Variants in TGS1 observed in about 807,000 individuals in gnomAD.
TGS1 encodes the protein trimethylguanosine synthase.
A neutral mutation model predicts 92.2 loss-of-function variants in TGS1; 69 were observed. The observed-to-expected ratio is 0.75, with a 90% CI of 0.62 to 0.91. The LOEUF (loss-of-function observed/expected upper bound fraction) is 0.91. Among genes scored for constraint, TGS1 ranks in the 40% least tolerant of loss-of-function variants. TGS1 has a pLI of 0.00. For synonymous variants in TGS1, 345 were observed against 338.1 expected, an observed-to-expected ratio of 1.02 and a Z score of -0.22; for missense variants, 1,062 against 1,001.2, an observed-to-expected ratio of 1.06 and a Z score of -0.82.
At chr8:55,817,753 A>G (rs1056028183) in intron 12 of TGS1, among the ~76,000 whole-genome samples, 6 of 152,240 alleles carry the variant, frequency 3.9e-5, no homozygotes, top group Non-Finnish European at 5.9e-5. Context: ...AAAGAAGGCT[A>G]AGAACTGGAT....
chr8:55,824,800 C>A lies in TGS1; in HGVS notation c.*97C>A. 1.4e-6 allele frequency: 2 copies of A among 1,432,508 alleles called. No homozygotes were observed. The highest frequency in any genetic ancestry group is 9.6e-7 in the Non-Finnish European group (1 of 1,043,710). 88.7% of individuals were successfully genotyped at this position (1,432,508 alleles called of 1,614,324 possible). Reference sequence around the variant, plus strand: ...CCTTTATTCACTGATATTTTCTACCCATGGTCTTATATCACCGTATGAAAT... The same window carrying A: ...CCTTTATTCACTGATATTTTCTACCAATGGTCTTATATCACCGTATGAAAT... On this transcript the variant is annotated 3_prime_UTR_variant, in exon 13 of 13. Transcript: ENST00000260129.
At chr8:55,809,074 T>C (rs1428720325) in intron 10 of TGS1, among the ~76,000 whole-genome samples, 1 of 152,228 alleles carries the variant, frequency 6.6e-6, no homozygotes, top group African/African-American at 2.4e-5. Context: ...ATATACACAT[T>C]CATATAATCA....
In TGS1 at chr8:55,813,033, T is replaced by G; in HGVS notation, c.2361-7T>G. ...GTTTTCATTATTTTTCCTTAACTGC[T>G]GTCCACCTTTGAAATTTTCAGACTT... On this transcript the variant is annotated splice_polypyrimidine_tract_variant and splice_region_variant and intron_variant, in intron 11 of 12. Transcript: ENST00000260129. 2 of 1,590,198 alleles carry G rather than the reference T, an allele frequency of 1.3e-6. No homozygotes were observed. The highest frequency in any genetic ancestry group is 1.7e-6 in the Non-Finnish European group (2 of 1,159,546).
intron 7 of TGS1, 149 bp downstream of exon 7, chr8:55,796,301 T>C (rs1812048715): frequency 3.3e-6 from 2 of 601,672 alleles, no homozygotes; most frequent in Admixed American, 6.3e-5. Context: ...CTTGAAGGCA[T>C]ATATTATGTA....
At chr8:55,781,293 G>A (rs965532903) in intron 1 of TGS1, among the ~76,000 whole-genome samples, 1 of 151,630 alleles carries the variant, frequency 6.6e-6, no homozygotes, top group East Asian at 1.9e-4. Flanking sequence ...GTTCTTTCTA[G>A]CCTTCCTTCC....
rs1032874601 is a variant in TGS1, at chr8:55,773,520, C to T, written c.-99C>T. Reference sequence around the variant, plus strand: ...CCAGTTTCTATCTCCTCATCCAGGGCTTGCGGGCGAGGCCTGTTTTAAGTC... The same window carrying T: ...CCAGTTTCTATCTCCTCATCCAGGGTTTGCGGGCGAGGCCTGTTTTAAGTC... On this transcript the variant is annotated 5_prime_UTR_variant, in exon 1 of 13. Coordinates refer to ENST00000260129, the MANE Select transcript of TGS1 (RefSeq NM_024831.8). 3 of 847,732 alleles carry T rather than the reference C, an allele frequency of 3.5e-6. No homozygotes were observed. The highest frequency in any genetic ancestry group is 1.7e-5 in the African/African-American group (1 of 57,884). 52.5% of individuals were successfully genotyped at this position (847,732 alleles called of 1,614,324 possible). A position where few individuals can be genotyped will look rare whatever the true frequency, so the allele number is the denominator to read the frequency against.
intron 12 of TGS1, among the ~76,000 whole-genome samples, chr8:55,815,142 CTT>C (rs1270872628): frequency 6.6e-6 from 1 of 152,154 alleles, no homozygotes; most frequent in Non-Finnish European, 1.5e-5. Context: ...TGCTGATTAA[CTT>C]TTTCTAGTTA....
chr8:55,819,077 A>T (rs1189008505), intron 12 of TGS1, among the ~76,000 whole-genome samples: 1 of 152,064 alleles, frequency 6.6e-6, no homozygotes, highest in African/African-American at 2.4e-5. Flanking sequence ...GAGTAGCTGG[A>T]ACCATATGCA....
chr8:55,799,118 G>A lies in TGS1; in HGVS notation c.1747G>A (p.Glu583Lys), dbSNP rs780859961. ...CQSVSSAGEL[E>K]TENYERDSLL... is the part of the protein sequence containing the mutation. ...GAGCGTATCTTCAGCTGGTGAACTT[G>A]AAACAGAAAACTATGAAAGAGACAG... The change falls in exon 8 of 13, where the codon GAA (glutamate) becomes AAA (lysine). Residue 583 changes from glutamate (E) to lysine (K), a missense_variant. Coordinates refer to ENST00000260129, the MANE Select transcript of TGS1 (RefSeq NM_024831.8). 2 of 1,614,138 alleles carry A rather than the reference G, an allele frequency of 1.2e-6. No individual in the cohort carries two copies. The highest frequency in any genetic ancestry group is 2.7e-5 in the African/African-American group (2 of 75,032).
intron 8 of TGS1, among the ~76,000 whole-genome samples, chr8:55,800,300 T>C (rs1460254451): frequency 2.0e-5 from 3 of 152,236 alleles, no homozygotes; most frequent in Non-Finnish European, 4.4e-5. Context: ...TTTGTAGGTT[T>C]GTGAAATGCT....
intron 10 of TGS1, among the ~76,000 whole-genome samples, chr8:55,809,175 C>A (rs1045147745): frequency 6.6e-6 from 1 of 152,096 alleles, no homozygotes; most frequent in Non-Finnish European, 1.5e-5. Context: ...TGAGGTTATT[C>A]CTTTGTGCCA....
At chr8:55,793,776 T>TTTTATTTATTTATTTATTTATG (rs1811959509) in intron 6 of TGS1, among the ~76,000 whole-genome samples, 1 of 150,884 alleles carries the variant, frequency 6.6e-6, no homozygotes, top group Non-Finnish European at 1.5e-5. Context: ...ATTTATTTAT[T>TTTTATTTATTTATTTATTTATG]TTTTAATTTT....
chr8:55,801,937 G>A (rs972158352), intron 8 of TGS1, among the ~76,000 whole-genome samples: 25 of 151,988 alleles, frequency 1.6e-4, no homozygotes, highest in Non-Finnish European at 2.5e-4. Context: ...GCTCATGCCT[G>A]TAATCCCAGC....
intron 12 of TGS1, among the ~76,000 whole-genome samples, chr8:55,817,867 C>CA (rs1803527482): frequency 6.6e-6 from 1 of 152,210 alleles, no homozygotes; most frequent in South Asian, 2.1e-4. Context: ...ACTACACTAA[C>CA]AATACCCTGC....
chr8:55,798,526 A>G (rs1213394214), intron 7 of TGS1, among the ~76,000 whole-genome samples: 1 of 152,224 alleles, frequency 6.6e-6, no homozygotes, highest in African/African-American at 2.4e-5. Flanking sequence ...AGAAAGGTCT[A>G]TATAATTTGA....
Position 55,824,879 on chromosome 8 carries a change from T to A in TGS1, c.*176T>A. On this transcript the variant is annotated 3_prime_UTR_variant, in exon 13 of 13. Transcript: ENST00000260129. Reference sequence around the variant, plus strand: ...AAATATTTTGAGATCTTTGAATAATTCCTTTAGAGGAATTATACAAAATTA... The same window carrying A: ...AAATATTTTGAGATCTTTGAATAATACCTTTAGAGGAATTATACAAAATTA... 1.5e-6 allele frequency: 1 copy of A among 663,802 alleles called. No individual in the cohort carries two copies. The highest frequency in any genetic ancestry group is 2.5e-6 in the Non-Finnish European group (1 of 405,488). 41.1% of individuals were successfully genotyped at this position (663,802 alleles called of 1,614,324 possible). A position where few individuals can be genotyped will look rare whatever the true frequency, so the allele number is the denominator to read the frequency against.
rs761706714 is a variant in TGS1, at chr8:55,802,473, G to GAAGAAC, written c.1872_1877dup (p.Asn624_Lys625dup). On this transcript the variant is annotated inframe_insertion, in exon 9 of 13. Coordinates refer to ENST00000260129, the MANE Select transcript of TGS1 (RefSeq NM_024831.8). ...TTATTTTAGCTGAAGTGAAAAAGAA[G>GAAGAAC]AAGAACAAGAAGAAGAACAAAAAGG... 7 of 1,613,290 alleles carry GAAGAAC rather than the reference G, an allele frequency of 4.3e-6. No homozygotes were observed. The Admixed American group carries it at 6.7e-5, about 15-fold the overall frequency.
chr8:55,789,268 CA>C (rs1811806934), intron 4 of TGS1, among the ~76,000 whole-genome samples: 1 of 152,134 alleles, frequency 6.6e-6, no homozygotes, highest in Non-Finnish European at 1.5e-5. Context: ...AGAACAAAGA[CA>C]GATTTGTGCC....
At chr8:55,822,418 G>A (rs1803671829) in intron 12 of TGS1, among the ~76,000 whole-genome samples, 1 of 151,954 alleles carries the variant, frequency 6.6e-6, no homozygotes, top group African/African-American at 2.4e-5. Context: ...TAGAACTGGG[G>A]ATTTTTAAGT....
Sources: allele counts gnomAD v4.1 joint callset (sites outside exome capture counted in the v4.1 genomes callset), GRCh38; gene constraint gnomAD v4.1.1; transcripts MANE v1.5; gene names NCBI Gene and HGNC (gene_info 2026-07-23, HGNC 2026-07-21).